Variants in MYO9B observed in about 807,000 individuals in gnomAD.
MYO9B encodes the protein myosin IXB, also known as unconventional myosin-IXb.
MYO9B carries 71 observed loss-of-function variants against 229.5 expected under a neutral mutation model. That is an observed-to-expected ratio of 0.31 (90% CI 0.26 to 0.38). The LOEUF (loss-of-function observed/expected upper bound fraction) is 0.38. MYO9B is among the 10% of genes least tolerant of loss of function. The pLI, the probability that MYO9B is intolerant of heterozygous loss-of-function variation, is 1.00. For synonymous variants in MYO9B, 1,185 were observed against 1,235.8 expected (o/e 0.96, Z 0.86); for missense variants, 2,255 against 2,920.5 (o/e 0.77, Z 5.25).
Position 17,192,857 on chromosome 19 carries a change from C to T in MYO9B, c.2923C>T (p.His975Tyr), listed in dbSNP as rs770552322. 6.0e-5 allele frequency: 93 copies of T among 1,551,320 alleles called. No homozygotes were observed. Among genetic ancestry groups the T allele is most frequent in the Non-Finnish European group, 7.1e-5 (81 of 1,147,654 alleles). Residue 975 changes from histidine (H) to tyrosine (Y), a missense_variant, in exon 21 of 40, where the codon CAC (histidine) becomes TAC (tyrosine). Around this residue, in one of 7 missense-constraint regions of MYO9B, gnomAD observed 679 missense variants for 770.2 expected, o/e 0.88. Transcript: ENST00000682292. ...SWFRMVLERR[H>Y]FLQMKRAAVT... ...GTTCCGGATGGTGCTGGAGCGTCGG[C>T]ACTTCCTGCAGATGAAGCGGGCCGC...
At chr19:17,160,444 C>G (rs961428092) in intron 8 of MYO9B, among the ~76,000 whole-genome samples, 1 of 151,632 alleles carries the variant, frequency 6.6e-6, no homozygotes, top group Non-Finnish European at 1.5e-5. Context: ...GAGCTGAGAC[C>G]TGAATATGTG....
intron 10 of MYO9B, among the ~76,000 whole-genome samples, chr19:17,167,613 G>A (rs2072674809): frequency 6.6e-6 from 1 of 151,746 alleles, no homozygotes; most frequent in African/African-American, 2.4e-5. Context: ...CTGAGTAGCT[G>A]GGATTACAGG....
intron 2 of MYO9B, among the ~76,000 whole-genome samples, chr19:17,136,870 T>C (rs971591399): frequency 1.3e-5 from 2 of 152,166 alleles, no homozygotes; most frequent in African/African-American, 2.4e-5. Context: ...GATGGAAGGA[T>C]TGCTTGAGTC....
At chr19:17,149,001 G>T (rs1343491603) in intron 3 of MYO9B, among the ~76,000 whole-genome samples, 1 of 151,978 alleles carries the variant, frequency 6.6e-6, no homozygotes, top group Non-Finnish European at 1.5e-5. Context: ...TTGAGACAGG[G>T]TCTTACTTTG....
At chr19:17,159,748 A>G (rs1224190352) in intron 8 of MYO9B, among the ~76,000 whole-genome samples, 2 of 152,370 alleles carry the variant, frequency 1.3e-5, no homozygotes, top group East Asian at 1.9e-4. Flanking sequence ...CTCACTAGCA[A>G]TGGTTGGCCA....
In MYO9B at chr19:17,200,703, A is replaced by G. The variant is rs772485506; in HGVS notation, c.4437A>G (p.Lys1479=). Residue 1479 remains lysine (K), a synonymous_variant, in exon 26 of 40, where the codon AAA becomes AAG. Transcript: ENST00000682292. ...GEKRTKEPGG[K]GKKNRNVKIG... Reference sequence around the variant, plus strand: ...AGCGCACCAAGGAACCAGGAGGCAAAGGGAAGAAGAACCGAAATGTCAAGA... The same window carrying G: ...AGCGCACCAAGGAACCAGGAGGCAAGGGGAAGAAGAACCGAAATGTCAAGA... 4 of 1,613,942 alleles carry G rather than the reference A, an allele frequency of 2.5e-6. No homozygotes were observed. The Admixed American group carries it at 6.7e-5, about 27-fold the overall frequency.
intron 2 of MYO9B, among the ~76,000 whole-genome samples, chr19:17,143,718 C>T (rs1443257904): frequency 2.0e-5 from 3 of 152,080 alleles, no homozygotes; most frequent in East Asian, 1.9e-4. Flanking sequence ...GTCAAGAGAT[C>T]GAGACCATCC....
At chr19:17,087,686 T>C (rs1448121303) in intron 1 of MYO9B, among the ~76,000 whole-genome samples, 1 of 151,584 alleles carries the variant, frequency 6.6e-6, no homozygotes, top group African/African-American at 2.4e-5. Context: ...TCACAATACT[T>C]TGGGAGGCCG....
chr19:17,172,102 A>G lies in MYO9B; in HGVS notation c.1794-234A>G, dbSNP rs796259737. ...AGGCAGGCAGGCACACCCAGATAGC[A>G]GCGTCCCAGCCCTCTGCCAGCATGT... is the stretch of plus-strand genomic sequence containing the variant. On this transcript the variant is annotated intron_variant, in intron 11 of 39. Coordinates refer to ENST00000682292, the MANE Select transcript of MYO9B (RefSeq NM_004145.4). The surrounding 1 kb of genome is among the most constrained non-coding windows in gnomAD (Gnocchi z 8.2). Among the ~76,000 whole-genome samples, 3 of 152,086 alleles carry G rather than the reference A, an allele frequency of 2.0e-5. No individual in the cohort carries two copies. Among genetic ancestry groups the G allele is most frequent in the African/African-American group, 7.2e-5 (3 of 41,490 alleles).
intron 2 of MYO9B, among the ~76,000 whole-genome samples, chr19:17,125,607 G>A (rs1217402457): frequency 1.3e-5 from 2 of 152,112 alleles, no homozygotes; most frequent in East Asian, 1.9e-4. Flanking sequence ...AAAGGGCCAC[G>A]TCCTAGCCCT....
At chr19:17,165,606 C>T (rs941790943) in intron 10 of MYO9B, among the ~76,000 whole-genome samples, 4 of 151,428 alleles carry the variant, frequency 2.6e-5, no homozygotes, top group African/African-American at 7.3e-5. Context: ...GGAGTTTCTG[C>T]GAAAAAAAAT....
At chr19:17,148,238 G>C (rs1206281671) in intron 3 of MYO9B, among the ~76,000 whole-genome samples, 2 of 152,156 alleles carry the variant, frequency 1.3e-5, no homozygotes, top group East Asian at 3.9e-4. Context: ...AAGCTAAGCT[G>C]CCTCCTTGTC....
At chr19:17,116,272 G>A (rs558588990) in intron 2 of MYO9B, among the ~76,000 whole-genome samples, 4 of 152,290 alleles carry the variant, frequency 2.6e-5, no homozygotes, top group South Asian at 2.1e-4. Flanking sequence ...CAGAGTCACC[G>A]AGCAGGACCC....
chr19:17,106,956 C>A (rs545142693), intron 2 of MYO9B, among the ~76,000 whole-genome samples: 2 of 152,102 alleles, frequency 1.3e-5, no homozygotes, highest in Admixed American at 6.6e-5. Flanking sequence ...CCAGGTACTT[C>A]GGAGGCTGAG....
chr19:17,200,178 C>T (rs2073091650), intron 24 of MYO9B, 115 bp from the exon 25 acceptor site: 1 of 1,348,968 alleles, frequency 7.4e-7, no homozygotes. Flanking sequence ...AGGCCAGATC[C>T]TTTTTTGAGT....
At chr19:17,105,385 C>T (rs1372176753) in intron 2 of MYO9B, among the ~76,000 whole-genome samples, 1 of 149,834 alleles carries the variant, frequency 6.7e-6, no homozygotes, top group Non-Finnish European at 1.5e-5. Flanking sequence ...GTCCCCCCTA[C>T]GTGGGAGTCT....
chr19:17,096,361 G>A (rs1432971695), intron 1 of MYO9B, among the ~76,000 whole-genome samples: 1 of 152,126 alleles, frequency 6.6e-6, no homozygotes, highest in Non-Finnish European at 1.5e-5. Context: ...AGAAACTGCT[G>A]AAGTGTTTTC....
intron 1 of MYO9B, among the ~76,000 whole-genome samples, chr19:17,091,770 C>A (rs778434141): frequency 2.6e-5 from 4 of 152,182 alleles, no homozygotes; most frequent in Non-Finnish European, 5.9e-5. Flanking sequence ...AGGGCTACCC[C>A]CTTCCCTGCA....
chr19:17,167,999 C>G lies in MYO9B; in HGVS notation c.1728C>G (p.Val576=). 1 of 1,607,112 alleles carries G rather than the reference C, an allele frequency of 6.2e-7. No individual in the cohort carries two copies. The highest frequency in any genetic ancestry group is 8.5e-7 in the Non-Finnish European group (1 of 1,177,154). ...ACAACATCGGCTACACAGACAATGT[C>G]GGCTGCATCCATCTCATCAGCAAGA... ...TWHNIGYTDN[V]GCIHLISKKP... The change falls in exon 11 of 40, where the codon GTC becomes GTG. Residue 576 remains valine (V), a synonymous_variant. Coordinates refer to ENST00000682292, the MANE Select transcript of MYO9B (RefSeq NM_004145.4).
Sources: allele counts gnomAD v4.1 joint callset (sites outside exome capture counted in the v4.1 genomes callset), GRCh38; gene constraint gnomAD v4.1.1; regional missense constraint gnomAD v4.1.1; non-coding constraint Gnocchi (gnomAD v3.1); transcripts MANE v1.5; gene names NCBI Gene and HGNC (gene_info 2026-07-23, HGNC 2026-07-21).